ZFHX3: variants seen among roughly 807,000 people sequenced by gnomAD.
ZFHX3 encodes the protein zinc finger homeobox protein 3.
In ZFHX3, 42 loss-of-function variants were observed where a neutral mutation model predicts 279.1. The observed-to-expected ratio is 0.15, with a 90% CI of 0.12 to 0.19. The LOEUF is 0.19. ZFHX3 is among the 10% of genes least tolerant of loss of function. ZFHX3 has a pLI of 1.00. For synonymous variants in ZFHX3, 2,293 were observed against 1,957.8 expected, an observed-to-expected ratio of 1.17 and a Z score of -4.52; for missense variants, 4,981 against 4,754.0, an observed-to-expected ratio of 1.05 and a Z score of -1.40.
intron 1 of ZFHX3, among the ~76,000 whole-genome samples, chr16:73,795,051 C>A (rs921983299): frequency 6.6e-6 from 1 of 152,182 alleles, no homozygotes; most frequent in Non-Finnish European, 1.5e-5. Context: ...AAGCTCAGTG[C>A]TTGGAACAAG....
Position 73,694,502 on chromosome 16 carries a change from C to CA in ZFHX3, c.-1607-14263_-1607-14262insT, listed in dbSNP as rs2053177565. ...GGGGCTACAGACGCATGTCACCATG[C>CA]CTGGCTAATTTTTGTATTTTTAGTA... is the stretch of plus-strand genomic sequence containing the variant. On this transcript the variant is annotated intron_variant, in intron 1 of 17. Coordinates refer to the ZFHX3 transcript ENST00000641206. Among the ~76,000 whole-genome samples the CA allele has an allele frequency of 2.0e-5, 3 of 151,968 alleles. No homozygotes were observed. The South Asian group carries it at 6.2e-4, about 32-fold the overall frequency.
At chr16:73,109,589 G>C (rs537829575) in intron 7 of ZFHX3, among the ~76,000 whole-genome samples, 4 of 152,098 alleles carry the variant, frequency 2.6e-5, no homozygotes, top group African/African-American at 9.6e-5. Flanking sequence ...CCGGTGCAGT[G>C]CCTCGTGCCT....
chr16:73,285,597 T>C (rs2014575655), intron 4 of ZFHX3, among the ~76,000 whole-genome samples: 1 of 152,340 alleles, frequency 6.6e-6, no homozygotes, highest in South Asian at 2.1e-4. Flanking sequence ...CAGAAACCTC[T>C]GCGTAAAGAC....
chr16:73,573,127 G>A (rs1018965850), intron 2 of ZFHX3, among the ~76,000 whole-genome samples: 1 of 152,074 alleles, frequency 6.6e-6, no homozygotes, highest in African/African-American at 2.4e-5. Flanking sequence ...GTGAATGAGG[G>A]GACAGGGTGC....
intron 2 of ZFHX3, among the ~76,000 whole-genome samples, chr16:73,599,270 C>T (rs1176411186): frequency 2.0e-5 from 3 of 152,342 alleles, no homozygotes; most frequent in South Asian, 4.1e-4. Context: ...GAGTCAGCCA[C>T]TCAACCGGCC....
chr16:73,459,121 C>CA (rs1331192209), intron 2 of ZFHX3, among the ~76,000 whole-genome samples: 2 of 152,192 alleles, frequency 1.3e-5, no homozygotes, highest in Non-Finnish European at 2.9e-5. Flanking sequence ...AGAGAAAACA[C>CA]AAAAAGTTAA....
intron 4 of ZFHX3, among the ~76,000 whole-genome samples, chr16:73,288,343 G>C (rs1345389092): frequency 6.6e-6 from 1 of 152,118 alleles, no homozygotes; most frequent in Non-Finnish European, 1.5e-5. Flanking sequence ...ATGTGGTTCT[G>C]TTTCTCGATC....
chr16:73,137,066 A>C (rs1966808593), intron 6 of ZFHX3, among the ~76,000 whole-genome samples: 1 of 152,102 alleles, frequency 6.6e-6, no homozygotes, highest in Admixed American at 6.6e-5. Flanking sequence ...AACTGTCTTG[A>C]AATTTCTTTT....
At chr16:73,219,154 A>T (rs10852519) in intron 5 of ZFHX3, among the ~76,000 whole-genome samples, 45,942 of 152,114 alleles carry the variant, frequency 0.3, 8,179 homozygotes, top group Non-Finnish European at 0.41. Flanking sequence ...ATAATATTCC[A>T]CTGTATGGAT....
At chr16:73,358,329 C>T (rs1043704347) in intron 3 of ZFHX3, among the ~76,000 whole-genome samples, 1 of 152,222 alleles carries the variant, frequency 6.6e-6, no homozygotes, top group Non-Finnish European at 1.5e-5. Flanking sequence ...CAAAGGACAG[C>T]GGCCTCCATG....
rs112007732 is a variant in ZFHX3, at chr16:73,433,668, T to C, written c.-1291+22335A>G. Among the ~76,000 whole-genome samples, 361 of 152,284 alleles carry C rather than the reference T, an allele frequency of 2.4e-3. 2 individuals carry two copies. Among genetic ancestry groups the C allele is most frequent in the African/African-American group, 8.2e-3 (340 of 41,554 alleles). On this transcript the variant is annotated intron_variant, in intron 3 of 17. Transcript: ENST00000641206. ...TAGGGGAGCCATAAAGCCTGCCACT[T>C]TCTTTGCCTCTGTGTGTCCTTAACT...
At chr16:73,144,956 C>A (rs1966856972) in intron 5 of ZFHX3, among the ~76,000 whole-genome samples, 1 of 152,172 alleles carries the variant, frequency 6.6e-6, no homozygotes, top group Non-Finnish European at 1.5e-5. Flanking sequence ...AATCTAACAC[C>A]CTCATATAAT....
At chr16:73,055,411 G>A (rs1353720502) in intron 1 of ZFHX3, among the ~76,000 whole-genome samples, 1 of 152,074 alleles carries the variant, frequency 6.6e-6, no homozygotes, top group East Asian at 1.9e-4. Flanking sequence ...ATGGCAGGAG[G>A]AGCCTAAAAT....
At chr16:72,791,313 G>C (rs919193593) in intron 9 of ZFHX3, 2 of 152,192 alleles carry the variant, frequency 1.3e-5, no homozygotes, top group African/African-American at 4.8e-5. Context: ...TTCCAGATCC[G>C]GTGTTTTTGA....
chr16:73,654,171 G>A (rs1229588905), intron 2 of ZFHX3, among the ~76,000 whole-genome samples: 3 of 141,270 alleles, frequency 2.1e-5, no homozygotes, highest in Non-Finnish European at 4.5e-5. Flanking sequence ...GTGACAGAGC[G>A]AGACTCAGTC....
chr16:73,534,455 C>G (rs780576859), intron 2 of ZFHX3, among the ~76,000 whole-genome samples: 1 of 152,166 alleles, frequency 6.6e-6, no homozygotes, highest in African/African-American at 2.4e-5. Context: ...CATGCATCAC[C>G]TTCTACTACA....
At chr16:73,181,166 T>C (rs1217137918) in intron 5 of ZFHX3, among the ~76,000 whole-genome samples, 2 of 151,772 alleles carry the variant, frequency 1.3e-5, no homozygotes, top group Non-Finnish European at 2.9e-5. Context: ...AGTGGTATAA[T>C]CTCGGCTCAC....
chr16:73,651,232 A>G (rs2052667137), intron 2 of ZFHX3, among the ~76,000 whole-genome samples: 1 of 95,202 alleles, frequency 1.1e-5, no homozygotes, highest in South Asian at 4.1e-4. Flanking sequence ...CCAGAATACG[A>G]GGAGAAAAAA....
At chr16:73,767,948 C>T (rs1031908180) in intron 1 of ZFHX3, among the ~76,000 whole-genome samples, 2 of 152,158 alleles carry the variant, frequency 1.3e-5, no homozygotes, top group Non-Finnish European at 1.5e-5. Flanking sequence ...GGGTGAAGCA[C>T]CTTAATGCTA....
Sources: allele counts gnomAD v4.1 joint callset (sites outside exome capture counted in the v4.1 genomes callset), GRCh38; gene constraint gnomAD v4.1.1; transcripts MANE v1.5; gene names NCBI Gene and HGNC (gene_info 2026-07-23, HGNC 2026-07-21).